The following EPHA6 variants were observed in gnomAD, a reference collection of about 807,000 sequenced individuals.
The protein encoded by EPHA6 is ephrin type-A receptor 6.
In EPHA6, 50 loss-of-function variants were observed where a neutral mutation model predicts 112.0. The ratio of observed to expected loss-of-function variants is 0.45; its 90% confidence interval spans 0.36 to 0.56. The LOEUF is 0.56. Ranked by LOEUF, EPHA6 falls within the 20% of genes least tolerant of loss-of-function variation. The pLI, the probability that EPHA6 is intolerant of heterozygous loss-of-function variation, is 0.00. For synonymous variants in EPHA6, 529 were observed against 490.7 expected (o/e 1.08, Z -1.03); for missense variants, 1,280 against 1,417.4 (o/e 0.90, Z 1.56).
At chr3:97,047,226 C>T (rs936985869) in intron 3 of EPHA6, among the ~76,000 whole-genome samples, 9 of 151,920 alleles carry the variant, frequency 5.9e-5, no homozygotes, top group Admixed American at 5.2e-4. Context: ...AGGGGCCGGG[C>T]ACAGTGGCTC....
At chr3:97,295,127 A>G (rs922900494) in intron 5 of EPHA6, among the ~76,000 whole-genome samples, 11 of 152,034 alleles carry the variant, frequency 7.2e-5, no homozygotes, top group African/African-American at 2.7e-4. Context: ...ATTTTGCTAG[A>G]CCTCAGAAGT....
chr3:97,442,048 A>T (rs1254414663), intron 6 of EPHA6, among the ~76,000 whole-genome samples: 1 of 152,136 alleles, frequency 6.6e-6, no homozygotes, highest in East Asian at 1.9e-4. Flanking sequence ...AACTAGCTTT[A>T]AAAAAAGGAG....
At chr3:97,214,697 A>T (rs1433384808) in intron 3 of EPHA6, among the ~76,000 whole-genome samples, 6 of 152,094 alleles carry the variant, frequency 3.9e-5, no homozygotes, top group Non-Finnish European at 7.4e-5. Context: ...AGAAATGAGG[A>T]TATGTTTGTA....
Position 97,264,597 on chromosome 3 carries a change from TATGGTG to T in EPHA6, c.1606+20313_1606+20318del, listed in dbSNP as rs1476691047. Among the ~76,000 whole-genome samples, 7 of 152,274 alleles carry T rather than the reference TATGGTG, an allele frequency of 4.6e-5. No homozygotes were observed. The South Asian group carries it at 1.4e-3, about 32-fold the overall frequency. On this transcript the variant is annotated intron_variant, in intron 5 of 17. Coordinates refer to ENST00000389672, the MANE Select transcript of EPHA6 (RefSeq NM_001080448.3). ...CTTCTTTCCTTCTCTTAGCCCACAA[TATGGTG>T]ATCAAGGGGCATGTTTCAGCCCAGT...
chr3:97,552,486 G>T (rs185315260), intron 11 of EPHA6, among the ~76,000 whole-genome samples: 2 of 152,244 alleles, frequency 1.3e-5, no homozygotes, highest in East Asian at 1.9e-4. Context: ...GACTTAGAAA[G>T]AATCTAGTTC....
At chr3:97,586,133 C>G (rs1285045629) in intron 11 of EPHA6, among the ~76,000 whole-genome samples, 1 of 152,168 alleles carries the variant, frequency 6.6e-6, no homozygotes, top group East Asian at 1.9e-4. Context: ...TTTGTATCCA[C>G]TCACTCAACT....
intron 5 of EPHA6, among the ~76,000 whole-genome samples, chr3:97,339,829 G>C (rs571455223): frequency 6.6e-6 from 1 of 152,116 alleles, no homozygotes; most frequent in African/African-American, 2.4e-5. Flanking sequence ...CTCACATCCT[G>C]AACTGAGCGA....
chr3:97,557,517 C>G (rs2093128536), intron 11 of EPHA6, among the ~76,000 whole-genome samples: 1 of 151,880 alleles, frequency 6.6e-6, no homozygotes. Flanking sequence ...ATAAGATGGT[C>G]TCTTTTATCT....
rs950752477 is a variant in EPHA6 at position 97,130,770 on chromosome 3, A to T, written c.1115-95494A>T. 7.2e-4 allele frequency among the ~76,000 whole-genome samples: 110 copies of T among 152,162 alleles called. 2 individuals carry two copies. The highest frequency in any genetic ancestry group is 7.2e-3 in the Admixed American group (110 of 15,266). ...ATTACATAAAACTTCTAACAAGACTATGCCTATTCTAGGCTATGGGTACTT... is the reference window on the plus strand; with the variant it reads ...ATTACATAAAACTTCTAACAAGACTTTGCCTATTCTAGGCTATGGGTACTT... On this transcript the variant is annotated intron_variant, in intron 3 of 17. Transcript: ENST00000389672.
At chr3:97,137,775 C>T (rs80137128) in intron 3 of EPHA6, among the ~76,000 whole-genome samples, 2,574 of 152,094 alleles carry the variant, frequency 0.017, 81 homozygotes, top group African/African-American at 0.059. Context: ...ATAATTTAAA[C>T]GTGGCACATA....
chr3:97,038,313 C>G (rs1404914701), intron 3 of EPHA6, among the ~76,000 whole-genome samples: 4 of 151,944 alleles, frequency 2.6e-5, no homozygotes, highest in African/African-American at 9.7e-5. Context: ...TCCTTTCCCC[C>G]CCCATGCTTC....
chr3:96,854,994 G>T (rs377659733), intron 1 of EPHA6, among the ~76,000 whole-genome samples: 1 of 152,162 alleles, frequency 6.6e-6, no homozygotes, highest in Non-Finnish European at 1.5e-5. Flanking sequence ...AGGTGTTAGT[G>T]CAACTGCGTT....
chr3:96,843,613 CA>C (rs2034885435), intron 1 of EPHA6, among the ~76,000 whole-genome samples: 1 of 151,866 alleles, frequency 6.6e-6, no homozygotes, highest in African/African-American at 2.4e-5. Flanking sequence ...GTTTTCCTAG[CA>C]AGAGAAATTT....
At position 96,981,807 on chromosome 3, in the gene EPHA6, A is replaced by G. The variant is rs188840660; in HGVS notation, c.451-5523A>G. 6.0e-3 allele frequency among the ~76,000 whole-genome samples: 919 copies of G among 152,238 alleles called. 2 individuals carry two copies. The highest frequency in any genetic ancestry group is 0.01 in the Middle Eastern group (3 of 294). On this transcript the variant is annotated intron_variant, in intron 2 of 17. Transcript: ENST00000389672. ...GTAGGGTGTATGTGTCAAGAAATTT[A>G]TCCATTTCTTCTAGATTTTCTAGTT... is the stretch of plus-strand genomic sequence containing the variant.
intron 11 of EPHA6, among the ~76,000 whole-genome samples, chr3:97,585,177 C>T (rs2107308704): frequency 6.6e-6 from 1 of 152,292 alleles, no homozygotes; most frequent in South Asian, 2.1e-4. Context: ...TGTAAATAGA[C>T]TTTTAGAGCT....
At chr3:96,937,440 T>G (rs1218353152) in intron 2 of EPHA6, among the ~76,000 whole-genome samples, 1 of 139,880 alleles carries the variant, frequency 7.1e-6, no homozygotes, top group African/African-American at 3.2e-5. Context: ...CTTCGCCCAC[T>G]TTTTGATGGG....
At chr3:97,528,562 T>C (rs900944777) in intron 10 of EPHA6, among the ~76,000 whole-genome samples, 1 of 152,040 alleles carries the variant, frequency 6.6e-6, no homozygotes, top group African/African-American at 2.4e-5. Flanking sequence ...AGAAAAACCA[T>C]TGGGACCGTG....
At chr3:97,146,352 T>G (rs1487628795) in intron 3 of EPHA6, among the ~76,000 whole-genome samples, 1 of 151,948 alleles carries the variant, frequency 6.6e-6, no homozygotes, top group African/African-American at 2.4e-5. Flanking sequence ...CTCATTCTCT[T>G]TGCTGCTGGA....
intron 5 of EPHA6, among the ~76,000 whole-genome samples, chr3:97,369,916 C>G (rs1358799225): frequency 6.6e-6 from 1 of 152,116 alleles, no homozygotes; most frequent in Non-Finnish European, 1.5e-5. Flanking sequence ...ATCTTTTATT[C>G]TTTCCATAAA....
Sources: gnomAD v4.1 joint callset for allele counts (sites outside exome capture counted in the v4.1 genomes callset) on GRCh38, gnomAD v4.1.1 for gene constraint, MANE v1.5 for transcripts, NCBI Gene and HGNC (gene_info 2026-07-23, HGNC 2026-07-21) for gene names.